The following ADAMTSL1 variants were observed in gnomAD, a reference collection of about 807,000 sequenced individuals.
The protein encoded by ADAMTSL1 is ADAMTS-like protein 1.
ADAMTSL1 carries 126 observed loss-of-function variants against 201.8 expected under a neutral mutation model. That is an observed-to-expected ratio of 0.62 (90% CI 0.54 to 0.72). ADAMTSL1 has a LOEUF of 0.72. Among genes scored for constraint, ADAMTSL1 ranks in the 30% least tolerant of loss-of-function variants. ADAMTSL1 has a pLI of 0.00. For missense variants in ADAMTSL1, 2,679 were observed against 2,277.8 expected, an observed-to-expected ratio of 1.18 and a Z score of -3.59; for synonymous variants, 1,121 against 903.4, an observed-to-expected ratio of 1.24 and a Z score of -4.32.
intron 19 of ADAMTSL1, among the ~76,000 whole-genome samples, chr9:18,785,637 A>G (rs1026535361): frequency 3.9e-5 from 6 of 152,224 alleles, no homozygotes; most frequent in Non-Finnish European, 8.8e-5. Flanking sequence ...ACATTTGGAG[A>G]TGAGACTCAG....
chr9:18,777,766 G>A lies in ADAMTSL1; in HGVS notation c.3537G>A (p.Ser1179=), dbSNP rs372395219. Residue 1179 remains serine, a synonymous_variant, in exon 19 of 29, where the codon TCG becomes TCA. Coordinates refer to ENST00000380548, the MANE Select transcript of ADAMTSL1 (RefSeq NM_001040272.6). The stretch of plus-strand genomic sequence containing the variant: ...CAGCGGCCCAGCAGCTCTCAGCCTC[G>A]GAGGTGGTCACCCACCTGGGGCAGA... ...KISAAQQLSA[S]EVVTHLGQTV... The A allele has an allele frequency of 3.1e-6, 5 of 1,613,582 alleles. No individual in the cohort carries two copies. The highest frequency in any genetic ancestry group is 3.4e-6 in the Non-Finnish European group (4 of 1,179,850).
rs542222723 is a variant in ADAMTSL1 at position 18,580,140 on chromosome 9, C to G, written c.474+5874C>G. ...TGCTATTTCAAAAAATTAAGCATTT[C>G]AAAAAGGGAAAGAAGAATTCCTTTC... On this transcript the variant is annotated intron_variant, in intron 4 of 28. Transcript: ENST00000380548. Among the ~76,000 whole-genome samples, 13 of 152,040 alleles carry G rather than the reference C, an allele frequency of 8.6e-5. No individual in the cohort carries two copies. In the East Asian group the frequency reaches 2.5e-3, roughly 29 times the overall value.
rs984417982 is a variant in ADAMTSL1 at position 18,702,670 on chromosome 9, A to C, written c.1575-4077A>C. On this transcript the variant is annotated intron_variant, in intron 13 of 28. Transcript: ENST00000380548. ...GAAGGAAAGACTAAATACAGAATTC[A>C]TATCAGTTACTTGTGAAGTTTACAC... Among the ~76,000 whole-genome samples, 6 of 152,180 alleles carry C rather than the reference A, an allele frequency of 3.9e-5. No individual in the cohort carries two copies. The East Asian group carries it at 1.2e-3, about 29-fold the overall frequency.
chr9:18,117,858 C>T (rs566770319), intron 1 of ADAMTSL1, among the ~76,000 whole-genome samples: 75 of 152,212 alleles, frequency 4.9e-4, no homozygotes, highest in South Asian at 2.1e-3. Flanking sequence ...CCATGCATAG[C>T]TACCTTGCTT....
At chr9:18,277,639 C>G (rs923397093) in intron 2 of ADAMTSL1, among the ~76,000 whole-genome samples, 2 of 152,136 alleles carry the variant, frequency 1.3e-5, no homozygotes, top group African/African-American at 4.8e-5. Context: ...TTCTTTCTAT[C>G]CCTACTCTTT....
chr9:18,718,137 C>A, intron 14 of ADAMTSL1: 2 of 968,626 alleles, frequency 2.1e-6, no homozygotes, highest in Non-Finnish European at 3.4e-6. Context: ...AGATTTTTGA[C>A]CTTCTTCCTT....
chr9:18,044,471 A>T (rs924850535), intron 1 of ADAMTSL1, among the ~76,000 whole-genome samples: 1 of 152,162 alleles, frequency 6.6e-6, no homozygotes. Flanking sequence ...ACCAGTCTTC[A>T]TAACTCTTGG....
At chr9:18,468,353 C>G (rs561886702) in intron 2 of ADAMTSL1, among the ~76,000 whole-genome samples, 52 of 152,238 alleles carry the variant, frequency 3.4e-4, no homozygotes, top group Non-Finnish European at 5.7e-4. Context: ...GGACAAGTAT[C>G]TTTGAATTTG....
chr9:18,645,186 C>A (rs2132851618), intron 7 of ADAMTSL1, among the ~76,000 whole-genome samples: 1 of 152,174 alleles, frequency 6.6e-6, no homozygotes, highest in East Asian at 1.9e-4. Context: ...AAAATGTCTT[C>A]TTTTGAGAAG....
At chr9:18,629,104 G>A (rs1256066076) in intron 5 of ADAMTSL1, among the ~76,000 whole-genome samples, 13 of 152,120 alleles carry the variant, frequency 8.5e-5, no homozygotes, top group Admixed American at 4.6e-4. Flanking sequence ...TGTGTTAGCC[G>A]TGTATTATGT....
At chr9:17,912,900 A>T (rs1338874215) in intron 1 of ADAMTSL1, among the ~76,000 whole-genome samples, 4 of 152,074 alleles carry the variant, frequency 2.6e-5, no homozygotes, top group Admixed American at 2.6e-4. Flanking sequence ...AGCTTTCTAC[A>T]TATGGCTAGC....
chr9:18,003,059 G>T (rs1819676031), intron 1 of ADAMTSL1, among the ~76,000 whole-genome samples: 1 of 151,890 alleles, frequency 6.6e-6, no homozygotes, highest in African/African-American at 2.4e-5. Flanking sequence ...TTCAAATTCT[G>T]GTTCTACAAT....
At chr9:18,740,124 C>T (rs1441797300) in intron 15 of ADAMTSL1, among the ~76,000 whole-genome samples, 4 of 152,144 alleles carry the variant, frequency 2.6e-5, no homozygotes, top group Non-Finnish European at 5.9e-5. Flanking sequence ...GGTTGAGGGC[C>T]TACTTGAAGC....
Position 18,770,768 on chromosome 9 carries a change from C to A in ADAMTSL1, c.2384C>A (p.Ser795Ter). 1 of 1,613,732 alleles carries A rather than the reference C, an allele frequency of 6.2e-7. No individual in the cohort carries two copies. Among genetic ancestry groups the A allele is most frequent in the Non-Finnish European group, 8.5e-7 (1 of 1,179,838 alleles). Reference protein sequence around the residue: ...KDDCPSEWLLSDWTECSTSCG... With the variant: ...KDDCPSEWLL ...GACTGTCCCAGCGAGTGGCTTCTCT[C>A]AGACTGGACAGAGGTATGTATGTTC... The change falls in exon 17 of 29, where the codon TCA (serine) becomes TAA (stop). Residue 795 changes from serine to a stop codon, truncating the protein, a stop_gained. Transcript: ENST00000380548. LOFTEE classifies it high-confidence loss of function.
rs115524867 is a variant in ADAMTSL1 at position 18,848,135 on chromosome 9, T to C, written c.4249+18158T>C. Among the ~76,000 whole-genome samples, 376 of 152,320 alleles carry C rather than the reference T, an allele frequency of 2.5e-3. 2 individuals carry two copies. Among genetic ancestry groups the C allele is most frequent in the African/African-American group, 8.7e-3 (363 of 41,574 alleles). On this transcript the variant is annotated intron_variant, in intron 23 of 28. Coordinates refer to ENST00000380548, the MANE Select transcript of ADAMTSL1 (RefSeq NM_001040272.6). ...CTCTGTCTGCCTGGCCCTGAGCTTC[T>C]GCAGGCATGTGCCTGGCCATTTCCT... is the stretch of plus-strand genomic sequence containing the variant.
chr9:18,635,447 G>A (rs756122697), intron 5 of ADAMTSL1, among the ~76,000 whole-genome samples: 1 of 152,086 alleles, frequency 6.6e-6, no homozygotes, highest in Admixed American at 6.6e-5. Context: ...TATTGTGAAG[G>A]ATATTTAAGA....
At chr9:18,645,935 G>T (rs1460806712) in intron 7 of ADAMTSL1, among the ~76,000 whole-genome samples, 1 of 150,184 alleles carries the variant, frequency 6.7e-6, no homozygotes, top group East Asian at 2.0e-4. Context: ...GAAAGTCATT[G>T]GTAGCTTGAT....
intron 2 of ADAMTSL1, among the ~76,000 whole-genome samples, chr9:18,379,826 T>C (rs1837472869): frequency 6.6e-6 from 1 of 152,118 alleles, no homozygotes; most frequent in South Asian, 2.1e-4. Flanking sequence ...AGTGAGTAAA[T>C]TAAGAAATGA....
intron 15 of ADAMTSL1, among the ~76,000 whole-genome samples, chr9:18,731,238 A>G (rs562629808): frequency 4.6e-5 from 7 of 152,238 alleles, no homozygotes; most frequent in African/African-American, 1.7e-4. Flanking sequence ...TTTTAAGATC[A>G]GACAGATGTT....
Sources: gnomAD v4.1 joint callset for allele counts (sites outside exome capture counted in the v4.1 genomes callset) on GRCh38, gnomAD v4.1.1 for gene constraint, MANE v1.5 for transcripts, NCBI Gene and HGNC (gene_info 2026-07-23, HGNC 2026-07-21) for gene names.